KCNAB1: variants seen among roughly 807,000 people sequenced by gnomAD.
KCNAB1 encodes the protein voltage-gated potassium channel subunit beta-1.
Under a neutral mutation model 64.6 loss-of-function variants are expected in KCNAB1, and 35 were observed. That is an observed-to-expected ratio of 0.54 (90% CI 0.41 to 0.72). The LOEUF is 0.72. Among genes scored for constraint, KCNAB1 ranks in the 30% least tolerant of loss-of-function variants. The probability of loss-of-function intolerance (pLI) is 0.00; values close to 1 mark genes in which losing one functional copy is unlikely to be tolerated. For synonymous variants in KCNAB1, 177 were observed against 183.8 expected, an observed-to-expected ratio of 0.96 and a Z score of 0.30; for missense variants, 401 against 512.9, an observed-to-expected ratio of 0.78 and a Z score of 2.11.
At chr3:156,184,378 GCT>G (rs771381028) in intron 1 of KCNAB1, among the ~76,000 whole-genome samples, 3 of 152,162 alleles carry the variant, frequency 2.0e-5, no homozygotes, top group Non-Finnish European at 4.4e-5. Context: ...ATTCTGTCCA[GCT>G]CTGTTTTGGG....
chr3:156,494,704 C>G (rs542969240), intron 8 of KCNAB1, among the ~76,000 whole-genome samples: 3 of 152,248 alleles, frequency 2.0e-5, no homozygotes, highest in African/African-American at 7.2e-5. Context: ...GAGCAGCCAT[C>G]TGTATGAAGT....
chr3:156,412,611 T>C (rs969517567), intron 1 of KCNAB1, among the ~76,000 whole-genome samples: 1 of 152,176 alleles, frequency 6.6e-6, no homozygotes, highest in Non-Finnish European at 1.5e-5. Flanking sequence ...TCGAGTACTT[T>C]GCAAATGAGG....
chr3:156,227,215 A>G (rs1321044112), intron 1 of KCNAB1, among the ~76,000 whole-genome samples: 1 of 152,212 alleles, frequency 6.6e-6, no homozygotes, highest in Non-Finnish European at 1.5e-5. Context: ...TCAGTAACTA[A>G]TGCAAGGAAA....
chr3:156,514,306 C>T (rs1393068817), intron 8 of KCNAB1, 58 bp from the exon 9 acceptor site: 4 of 1,362,632 alleles, frequency 2.9e-6, no homozygotes, highest in African/African-American at 1.4e-5. Context: ...GAGTAAAAAT[C>T]GCATAACTTT....
At chr3:156,430,605 AGG>A (rs1716137821) in intron 2 of KCNAB1, among the ~76,000 whole-genome samples, 1 of 152,200 alleles carries the variant, frequency 6.6e-6, no homozygotes, top group South Asian at 2.1e-4. Flanking sequence ...AAACAGGGTC[AGG>A]GAGAGGCGAT....
chr3:156,481,277 C>T (rs1201565688), intron 8 of KCNAB1, among the ~76,000 whole-genome samples: 1 of 152,014 alleles, frequency 6.6e-6, no homozygotes, highest in African/African-American at 2.4e-5. Flanking sequence ...CTGGCCAGGA[C>T]GTTCCCAAGG....
intron 2 of KCNAB1, among the ~76,000 whole-genome samples, chr3:156,426,618 T>C (rs757460923): frequency 7.6e-4 from 116 of 152,348 alleles, no homozygotes; most frequent in Non-Finnish European, 1.4e-3. Flanking sequence ...AAAAATCCTC[T>C]GTCTTGCCTA....
At chr3:156,146,681 G>A (rs1416472394) in intron 1 of KCNAB1, among the ~76,000 whole-genome samples, 5 of 152,244 alleles carry the variant, frequency 3.3e-5, no homozygotes, top group Non-Finnish European at 7.3e-5. Flanking sequence ...TAGGGTGAAT[G>A]TGGCTATTGA....
chr3:156,256,878 G>T (rs1718130296), intron 1 of KCNAB1, among the ~76,000 whole-genome samples: 1 of 152,180 alleles, frequency 6.6e-6, no homozygotes, highest in South Asian at 2.1e-4. Context: ...TATTCTCTGA[G>T]CTTCTTCCTG....
At chr3:156,268,652 T>G (rs1383758308) in intron 1 of KCNAB1, among the ~76,000 whole-genome samples, 1 of 152,232 alleles carries the variant, frequency 6.6e-6, no homozygotes, top group Non-Finnish European at 1.5e-5. Flanking sequence ...ATATACCAGT[T>G]TGCCATTTAT....
intron 8 of KCNAB1, among the ~76,000 whole-genome samples, chr3:156,509,076 C>CG (rs1421193079): frequency 4.3e-5 from 6 of 139,546 alleles, no homozygotes; most frequent in East Asian, 2.0e-4. Flanking sequence ...TGGAGTGGGG[C>CG]GGAGGGGAAA....
chr3:156,130,221 A>G (rs1001257372), intron 1 of KCNAB1, among the ~76,000 whole-genome samples: 23 of 152,342 alleles, frequency 1.5e-4, no homozygotes, highest in Middle Eastern at 3.4e-3. Flanking sequence ...TATTTTTATT[A>G]CCTTCTGCAC....
At chr3:156,261,507 A>G (rs928938071) in intron 1 of KCNAB1, among the ~76,000 whole-genome samples, 4 of 152,016 alleles carry the variant, frequency 2.6e-5, no homozygotes, top group Non-Finnish European at 5.9e-5. Context: ...TGCTTTCTCA[A>G]TTGAATTGTC....
chr3:156,220,987 T>A (rs996031882), intron 1 of KCNAB1, among the ~76,000 whole-genome samples: 1 of 152,234 alleles, frequency 6.6e-6, no homozygotes, highest in Non-Finnish European at 1.5e-5. Flanking sequence ...CTTTCCCCAT[T>A]GCTTGTTTTT....
At chr3:156,223,973 C>G (rs1490842245) in intron 1 of KCNAB1, among the ~76,000 whole-genome samples, 1 of 152,226 alleles carries the variant, frequency 6.6e-6, no homozygotes, top group African/African-American at 2.4e-5. Context: ...CAGCGCTCAT[C>G]AGGGAGGCTC....
chr3:156,481,468 C>G (rs1299945118), intron 8 of KCNAB1, among the ~76,000 whole-genome samples: 1 of 150,248 alleles, frequency 6.7e-6, no homozygotes. Context: ...AGTTTTGTTT[C>G]CATTTTAACT....
At chr3:156,213,178 CAAATAAA>C (rs1394016055) in intron 1 of KCNAB1, among the ~76,000 whole-genome samples, 4 of 150,678 alleles carry the variant, frequency 2.7e-5, no homozygotes, top group Admixed American at 1.3e-4. Flanking sequence ...CTTAGTTACC[CAAATAAA>C]ACAATGTGGA....
At chr3:156,190,850 G>A (rs1231018776) in intron 1 of KCNAB1, among the ~76,000 whole-genome samples, 3 of 152,048 alleles carry the variant, frequency 2.0e-5, no homozygotes, top group South Asian at 2.1e-4. Context: ...CTACCACCGC[G>A]CCTGGCTAAT....
intron 1 of KCNAB1, among the ~76,000 whole-genome samples, chr3:156,298,332 A>G (rs1018667357): frequency 3.9e-5 from 6 of 152,174 alleles, no homozygotes; most frequent in Non-Finnish European, 5.9e-5. Flanking sequence ...GAGTCTGAAG[A>G]GTTTCCGGAA....
Sources: gnomAD v4.1 joint callset for allele counts (sites outside exome capture counted in the v4.1 genomes callset) on GRCh38, gnomAD v4.1.1 for gene constraint, MANE v1.5 for transcripts, NCBI Gene and HGNC (gene_info 2026-07-23, HGNC 2026-07-21) for gene names.